CASTOR2: variants seen among roughly 807,000 people sequenced by gnomAD.
CASTOR2 encodes the protein GATS protein like 2.
In CASTOR2, 8 loss-of-function variants were observed where a neutral mutation model predicts 31.2. The observed-to-expected ratio is 0.26, with a 90% confidence interval of 0.15 to 0.46. The LOEUF is 0.46. Among genes scored for constraint, CASTOR2 ranks in the 20% least tolerant of loss-of-function variants. The pLI, the probability that CASTOR2 is intolerant of heterozygous loss-of-function variation, is 0.99. For missense variants in CASTOR2, 216 were observed against 382.1 expected (o/e 0.57, Z 3.62); for synonymous variants, 162 against 158.7 (o/e 1.02, Z -0.16).
chr7:75,029,640 G>A lies in CASTOR2; in HGVS notation c.*4941G>A, dbSNP rs1189207672. ...ATTACAGGCATGAGATACCCCGCCT[G>A]GCCAATGGGATTTTTGACGCCACTT... is the stretch of plus-strand genomic sequence containing the variant. On this transcript the variant is annotated 3_prime_UTR_variant, in exon 9 of 9. Transcript: ENST00000616305. Among the ~76,000 whole-genome samples the A allele has an allele frequency of 3.3e-5, 5 of 151,854 alleles. No individual in the cohort carries two copies. The highest frequency in any genetic ancestry group is 4.8e-5 in the African/African-American group (2 of 41,436).
intron 7 of CASTOR2, among the ~76,000 whole-genome samples, chr7:75,023,251 C>T (rs1173158481): frequency 4.6e-5 from 7 of 151,544 alleles, no homozygotes; most frequent in South Asian, 2.1e-4. Flanking sequence ...GAGCTTGCAG[C>T]AAGCCGAGAT....
intron 1 of CASTOR2, among the ~76,000 whole-genome samples, chr7:74,987,611 G>A (rs1444963810): frequency 6.6e-6 from 1 of 152,216 alleles, no homozygotes; most frequent in Non-Finnish European, 1.5e-5. Flanking sequence ...CTGGTCTCCC[G>A]AGGGCTTGTT....
intron 1 of CASTOR2, among the ~76,000 whole-genome samples, chr7:74,987,971 G>A (rs1804111741): frequency 6.7e-6 from 1 of 150,370 alleles, no homozygotes; most frequent in Non-Finnish European, 1.5e-5. Context: ...GCCTCCCAAA[G>A]TGCTGGGATT....
chr7:74,967,645 T>C (rs1803597729), intron 1 of CASTOR2, among the ~76,000 whole-genome samples: 2 of 74,550 alleles, frequency 2.7e-5, no homozygotes, highest in Non-Finnish European at 2.7e-5. Context: ...TGGGTTCAAG[T>C]GATTCTCCTG....
Position 75,025,016 on chromosome 7 carries a change from C to T in CASTOR2, c.*317C>T, listed in dbSNP as rs1419282384. On this transcript the variant is annotated 3_prime_UTR_variant, in exon 9 of 9. Transcript: ENST00000616305. ...GATCCGCCTTCTCATCCGGCCTCAC[C>T]CACGGCCAGGGGCAGATGCCGAGGG... Among the ~76,000 whole-genome samples, 2 of 152,236 alleles carry T rather than the reference C, an allele frequency of 1.3e-5. No individual in the cohort carries two copies. Among genetic ancestry groups the T allele is most frequent in the African/African-American group, 4.8e-5 (2 of 41,472 alleles).
At chr7:74,992,018 G>T (rs1465557500) in intron 1 of CASTOR2, among the ~76,000 whole-genome samples, 17 of 152,200 alleles carry the variant, frequency 1.1e-4, no homozygotes, top group African/African-American at 3.9e-4. Context: ...TGACAGCAGG[G>T]ATGAAAAAGG....
intron 1 of CASTOR2, among the ~76,000 whole-genome samples, chr7:74,985,996 C>T (rs1369311631): frequency 1.3e-5 from 2 of 152,052 alleles, no homozygotes; most frequent in Non-Finnish European, 1.5e-5. Flanking sequence ...GGCATTATCT[C>T]GGCTCACTGC....
In CASTOR2 at chr7:75,017,887, C is replaced by T. The variant is rs1584476734; in HGVS notation, c.378+96C>T. 10 of 1,613,574 alleles carry T rather than the reference C, an allele frequency of 6.2e-6. No individual in the cohort carries two copies. In the South Asian group the frequency reaches 1.1e-4, roughly 18 times the overall value. On this transcript the variant is annotated intron_variant, in intron 3 of 8. Transcript: ENST00000616305. ...CCCCTTGCAGCCTTGCCCTTCCACG[C>T]TATTCCAGGGTGGGGGCAGAGTCTC...
chr7:75,014,091 G>A (rs1415653146), intron 2 of CASTOR2, among the ~76,000 whole-genome samples: 1 of 152,084 alleles, frequency 6.6e-6, no homozygotes, highest in Non-Finnish European at 1.5e-5. Flanking sequence ...TCAGAATAAC[G>A]TTAGAAGCCT....
At chr7:75,010,575 C>T (rs1804716402) in intron 2 of CASTOR2, among the ~76,000 whole-genome samples, 1 of 152,144 alleles carries the variant, frequency 6.6e-6, no homozygotes, top group East Asian at 1.9e-4. Flanking sequence ...TCGACCCTGC[C>T]ATTCCCCAGA....
chr7:75,012,402 A>G (rs1420956205), intron 2 of CASTOR2, among the ~76,000 whole-genome samples: 1 of 152,012 alleles, frequency 6.6e-6, no homozygotes, highest in East Asian at 1.9e-4. Flanking sequence ...TCCCAGGTTC[A>G]AGCGATTCTC....
intron 2 of CASTOR2, among the ~76,000 whole-genome samples, chr7:75,011,953 T>G (rs1804760151): frequency 6.8e-6 from 1 of 147,074 alleles, no homozygotes. Context: ...GGGGACAGAG[T>G]GAGACTCCGT....
At chr7:75,002,242 C>A (rs1224371654) in intron 1 of CASTOR2, among the ~76,000 whole-genome samples, 2 of 151,834 alleles carry the variant, frequency 1.3e-5, no homozygotes, top group East Asian at 3.9e-4. Flanking sequence ...GGTTTTACCC[C>A]AGAGGAGATG....
intron 1 of CASTOR2, among the ~76,000 whole-genome samples, chr7:74,994,336 AG>A (rs1804287296): frequency 6.6e-6 from 1 of 152,210 alleles, no homozygotes. Context: ...CAACTCTGGC[AG>A]GGCGAGGGGA....
intron 7 of CASTOR2, among the ~76,000 whole-genome samples, chr7:75,023,557 A>G (rs984410010): frequency 6.8e-6 from 1 of 147,284 alleles, no homozygotes; most frequent in Non-Finnish European, 1.5e-5. Flanking sequence ...TCCTGGGTTC[A>G]GCCTCCCAAG....
Position 75,025,574 on chromosome 7 carries a change from A to G in CASTOR2, c.*875A>G, listed in dbSNP as rs936337604. Among the ~76,000 whole-genome samples the G allele has an allele frequency of 3.7e-4, 56 of 152,168 alleles. No individual in the cohort carries two copies. Among genetic ancestry groups the G allele is most frequent in the African/African-American group, 1.2e-3 (50 of 41,510 alleles). ...GTGGTGTCCCACCTCCCCAACAGACAACTAGACCAGCATAGGACTCCCCGC... is the reference window on the plus strand; with the variant it reads ...GTGGTGTCCCACCTCCCCAACAGACGACTAGACCAGCATAGGACTCCCCGC... On this transcript the variant is annotated 3_prime_UTR_variant, in exon 9 of 9. Transcript: ENST00000616305.
intron 1 of CASTOR2, among the ~76,000 whole-genome samples, chr7:75,000,345 G>A (rs1306955549): frequency 6.6e-6 from 1 of 152,148 alleles, no homozygotes; most frequent in African/African-American, 2.4e-5. Flanking sequence ...AGCAGGTGAG[G>A]CCCTGATCCC....
intron 1 of CASTOR2, among the ~76,000 whole-genome samples, chr7:74,989,906 G>A (rs1323612831): frequency 1.3e-5 from 2 of 152,112 alleles, no homozygotes; most frequent in Non-Finnish European, 2.9e-5. Context: ...GGAATGTCCA[G>A]TATACTTATC....
At chr7:75,007,780 A>C in intron 1 of CASTOR2, 2 of 674,734 alleles carry the variant, frequency 3.0e-6, no homozygotes, top group Non-Finnish European at 5.3e-6. Flanking sequence ...GCGGGGGTAT[A>C]GTGGGGACAA....
Sources: allele counts gnomAD v4.1 joint callset (sites outside exome capture counted in the v4.1 genomes callset), GRCh38; gene constraint gnomAD v4.1.1; transcripts MANE v1.5; gene names NCBI Gene and HGNC (gene_info 2026-07-23, HGNC 2026-07-21).